Variants in PREX1 observed in about 807,000 individuals in gnomAD.
PREX1 encodes the protein phosphatidylinositol 3,4,5-trisphosphate-dependent Rac exchanger 1 protein.
A neutral mutation model predicts 198.3 loss-of-function variants in PREX1; 41 were observed. The observed-to-expected ratio is 0.21, with a 90% CI of 0.16 to 0.27. The LOEUF (loss-of-function observed/expected upper bound fraction) is 0.27. Ranked by LOEUF, PREX1 falls within the 10% of genes least tolerant of loss-of-function variation. PREX1 has a pLI of 1.00. For synonymous variants in PREX1, 843 were observed against 887.2 expected, an observed-to-expected ratio of 0.95 and a Z score of 0.89; for missense variants, 1,620 against 2,200.7, an observed-to-expected ratio of 0.74 and a Z score of 5.28.
chr20:48,655,430 C>T, intron 18 of PREX1, 55 bp from the exon 19 acceptor site: 4 of 1,370,036 alleles, frequency 2.9e-6, no homozygotes, highest in Non-Finnish European at 3.0e-6. Context: ...CAGCATCACT[C>T]TCAATAACCC....
At chr20:48,836,682 T>C in the PREX1 span, among the ~76,000 whole-genome samples, 1 of 151,982 alleles carries the variant, frequency 6.6e-6, no homozygotes, top group Non-Finnish European at 1.5e-5. Flanking sequence ...TGGGAGGCCA[T>C]GGTGGGAAGA....
rs1345986200 is a variant in PREX1, at chr20:48,734,591, C to G, written c.474G>C (p.Leu158=). ...TAGGGATCTTGTTCAGCTCCACCAG[C>G]AGCCTCAGGGCTTTCTCATGGTTGC... is the stretch of plus-strand genomic sequence containing the variant. The part of the protein sequence containing the change: ...YCSNHEKALR[L]LVELNKIPTV... The change falls in exon 4 of 40, where the codon CTG becomes CTC. Residue 158 remains leucine (L), a synonymous_variant. Coordinates refer to ENST00000371941, the MANE Select transcript of PREX1 (RefSeq NM_020820.4). 1 of 1,614,174 alleles carries G rather than the reference C, an allele frequency of 6.2e-7. No individual in the cohort carries two copies. Among genetic ancestry groups the G allele is most frequent in the East Asian group, 2.2e-5 (1 of 44,886 alleles).
At chr20:48,881,783 C>A in the PREX1 span, among the ~76,000 whole-genome samples, 1 of 152,202 alleles carries the variant, frequency 6.6e-6, no homozygotes, top group Non-Finnish European at 1.5e-5. Flanking sequence ...CAGCACCTGG[C>A]CTACAATTCA....
chr20:48,838,291 T>C, the PREX1 span, among the ~76,000 whole-genome samples: 12 of 152,244 alleles, frequency 7.9e-5, no homozygotes, highest in Admixed American at 4.6e-4. Flanking sequence ...ATGTGTTCTC[T>C]GTTTCCTAAT....
At chr20:48,785,573 C>A (rs895080366) in intron 1 of PREX1, among the ~76,000 whole-genome samples, 91 of 152,230 alleles carry the variant, frequency 6.0e-4, no homozygotes, top group African/African-American at 2.1e-3. Flanking sequence ...AGCAGAGCGG[C>A]CAGCCAGGGC....
At chr20:48,675,747 T>G (rs2089703963) in intron 14 of PREX1, among the ~76,000 whole-genome samples, 1 of 152,092 alleles carries the variant, frequency 6.6e-6, no homozygotes, top group Non-Finnish European at 1.5e-5. Context: ...CACTTAAAAA[T>G]TATCAAGATG....
At chr20:48,877,605 C>G in the PREX1 span, among the ~76,000 whole-genome samples, 4 of 152,212 alleles carry the variant, frequency 2.6e-5, no homozygotes, top group Non-Finnish European at 4.4e-5. Flanking sequence ...GGGAAATGGG[C>G]TACACTGATT....
chr20:48,693,870 A>C (rs981557811), intron 7 of PREX1, among the ~76,000 whole-genome samples: 1 of 150,738 alleles, frequency 6.6e-6, no homozygotes, highest in Admixed American at 6.6e-5. Context: ...GGCCTCCCAA[A>C]GTGCTGAGAT....
At chr20:48,768,331 G>A (rs939391113) in intron 1 of PREX1, among the ~76,000 whole-genome samples, 1 of 152,208 alleles carries the variant, frequency 6.6e-6, no homozygotes, top group African/African-American at 2.4e-5. Flanking sequence ...AACAGAAAAT[G>A]ATTCAGTAAT....
In PREX1 at chr20:48,696,602, CACACACAT is replaced by C. The variant is rs2089847007; in HGVS notation, c.918-3820_918-3813del. 4.1e-5 allele frequency among the ~76,000 whole-genome samples: 5 copies of C among 122,836 alleles called. No homozygotes were observed. The South Asian group carries it at 1.4e-3, about 36-fold the overall frequency. The allele number at this position is 122,836 out of a possible 152,430, so 80.6% of individuals were successfully genotyped here. A position where few individuals can be genotyped will look rare whatever the true frequency, so the allele number is the denominator to read the frequency against. Reference sequence around the variant, plus strand: ...TTACAGTCAGCTGATCATTTACACACACACACATACATACATACATACATACATACATA... The same window carrying C: ...TTACAGTCAGCTGATCATTTACACACACATACATACATACATACATACATA... On this transcript the variant is annotated intron_variant, in intron 7 of 39. Coordinates refer to ENST00000371941, the MANE Select transcript of PREX1 (RefSeq NM_020820.4).
At chr20:48,708,027 G>A (rs141873898) in intron 6 of PREX1, among the ~76,000 whole-genome samples, 161 of 152,298 alleles carry the variant, frequency 1.1e-3, no homozygotes, top group African/African-American at 3.7e-3. Context: ...AGGCTCCAGT[G>A]ACTATTTCCA....
At chr20:48,820,016 T>C (rs1264377811) in intron 1 of PREX1, among the ~76,000 whole-genome samples, 6 of 152,146 alleles carry the variant, frequency 3.9e-5, no homozygotes, top group Non-Finnish European at 8.8e-5. Flanking sequence ...CAGCTTTCAG[T>C]GGCCCCAGTC....
chr20:48,886,056 C>T, the PREX1 span, among the ~76,000 whole-genome samples: 4 of 152,002 alleles, frequency 2.6e-5, no homozygotes, highest in Non-Finnish European at 5.9e-5. Flanking sequence ...CTATGGACTC[C>T]GGGGGATAAT....
At chr20:48,753,340 C>A (rs1448913035) in intron 1 of PREX1, among the ~76,000 whole-genome samples, 1 of 152,186 alleles carries the variant, frequency 6.6e-6, no homozygotes, top group Non-Finnish European at 1.5e-5. Flanking sequence ...CGATGCCAGG[C>A]CAGGTCTCAC....
chr20:48,665,837 T>C (rs1229949117), intron 15 of PREX1, among the ~76,000 whole-genome samples: 1 of 152,046 alleles, frequency 6.6e-6, no homozygotes, highest in Non-Finnish European at 1.5e-5. Flanking sequence ...AAAAGTCACT[T>C]ATCTGAGGGA....
In PREX1 at chr20:48,653,361, C is replaced by T. The variant is rs771292479; in HGVS notation, c.2346G>A (p.Leu782=). The T allele has an allele frequency of 1.4e-5, 23 of 1,611,958 alleles. No individual in the cohort carries two copies. Among genetic ancestry groups the T allele is most frequent in the Non-Finnish European group, 1.9e-5 (22 of 1,178,280 alleles). ...CGGCCCCGGTTTCCAGTAAACTTAC[C>T]AGGGCCTCTTCGCGCCGACTCCGGA... ...QAFRSRREEA[L]GLYQWIYHTH... Residue 782 remains leucine (L), a splice_region_variant and synonymous_variant, in exon 20 of 40, where the codon CTG becomes CTA. Transcript: ENST00000371941.
At chr20:48,792,929 G>C (rs999446894) in intron 1 of PREX1, among the ~76,000 whole-genome samples, 9 of 151,942 alleles carry the variant, frequency 5.9e-5, no homozygotes, top group African/African-American at 1.9e-4. Flanking sequence ...TAGTGGGCCA[G>C]GCATGGTGGC....
intron 1 of PREX1, among the ~76,000 whole-genome samples, chr20:48,762,818 T>C (rs528475459): frequency 2.0e-5 from 3 of 151,122 alleles, no homozygotes; most frequent in African/African-American, 7.3e-5. Flanking sequence ...TTCTTCTGCC[T>C]CAACCTCCCA....
At chr20:48,685,901 C>CAAAAAAAAAAAAAAA (rs1387711158) in intron 10 of PREX1, among the ~76,000 whole-genome samples, 955 of 136,178 alleles carry the variant, frequency 7.0e-3, no homozygotes, top group East Asian at 0.011. Context: ...CTCTAAAAAC[C>CAAAAAAAAAAAAAAA]AAAAGATAAA....
Sources: gnomAD v4.1 joint callset for allele counts (sites outside exome capture counted in the v4.1 genomes callset) on GRCh38, gnomAD v4.1.1 for gene constraint, MANE v1.5 for transcripts, NCBI Gene and HGNC (gene_info 2026-07-23, HGNC 2026-07-21) for gene names.